Variants in FHOD3 observed in about 807,000 individuals in gnomAD.
FHOD3 encodes the protein formin homology 2 domain containing 3.
FHOD3 carries 90 observed loss-of-function variants against 173.0 expected under a neutral mutation model. That is an observed-to-expected ratio of 0.52 (90% CI 0.44 to 0.62). The LOEUF (loss-of-function observed/expected upper bound fraction) is 0.62, where lower values mean the gene tolerates loss of function less well. Ranked by LOEUF, FHOD3 falls within the 20% of genes least tolerant of loss-of-function variation. The pLI, the probability that FHOD3 is intolerant of heterozygous loss-of-function variation, is 0.00. For synonymous variants in FHOD3, 828 were observed against 823.0 expected (o/e 1.01, Z -0.10); for missense variants, 1,945 against 2,034.7 (o/e 0.96, Z 0.85).
chr18:36,361,060 C>T (rs2046586515), intron 2 of FHOD3, among the ~76,000 whole-genome samples: 1 of 152,058 alleles, frequency 6.6e-6, no homozygotes, highest in Non-Finnish European at 1.5e-5. Context: ...GTAGACGTTC[C>T]CTGATTTTTT....
intron 3 of FHOD3, among the ~76,000 whole-genome samples, chr18:36,462,287 T>TTGTGTG (rs1351983386): frequency 6.7e-6 from 1 of 149,028 alleles, no homozygotes; most frequent in Admixed American, 6.7e-5. Context: ...TTCAGTTCTC[T>TTGTGTG]CGTGTGTGTG....
At chr18:36,720,747 TCTTCTCCTCCTGCTC>T (rs2040730870) in intron 19 of FHOD3, among the ~76,000 whole-genome samples, 1 of 99,958 alleles carries the variant, frequency 1.0e-5, no homozygotes, top group African/African-American at 4.0e-5. Context: ...TCCTCCTCCT[TCTTCTCCTCCTGCTC>T]CTTCTCCTCC....
At chr18:36,687,070 G>C (rs1165204890) in intron 15 of FHOD3, 58 bp from the exon 16 acceptor site, 1 of 1,266,118 alleles carries the variant, frequency 7.9e-7, no homozygotes, top group East Asian at 2.4e-5. Context: ...GTAATTTTCT[G>C]AGTATCTAAT....
chr18:36,711,984 A>C (rs2040192789), intron 18 of FHOD3, among the ~76,000 whole-genome samples: 1 of 152,210 alleles, frequency 6.6e-6, no homozygotes, highest in East Asian at 1.9e-4. Flanking sequence ...CCCTGGGAAG[A>C]TGCCAGTGAG....
chr18:36,671,703 G>A (rs1472383391), intron 14 of FHOD3, among the ~76,000 whole-genome samples: 1 of 152,216 alleles, frequency 6.6e-6, no homozygotes, highest in Non-Finnish European at 1.5e-5. Context: ...ATGTGTTTTT[G>A]TGGCATTGCT....
chr18:36,687,841 G>A (rs774627176), intron 16 of FHOD3, among the ~76,000 whole-genome samples: 20 of 152,020 alleles, frequency 1.3e-4, no homozygotes, highest in Non-Finnish European at 2.5e-4. Context: ...TTTATGGTAC[G>A]AATCTTTGTG....
chr18:36,664,568 A>C (rs2149256862), intron 14 of FHOD3, among the ~76,000 whole-genome samples: 1 of 152,232 alleles, frequency 6.6e-6, no homozygotes, highest in East Asian at 1.9e-4. Flanking sequence ...TGTGGGCCCT[A>C]GGGAACCTGG....
At chr18:36,303,275 CTTTT>C (rs201185049) in intron 1 of FHOD3, among the ~76,000 whole-genome samples, 1 of 151,626 alleles carries the variant, frequency 6.6e-6, no homozygotes, top group African/African-American at 2.4e-5. Context: ...TTAAGGTCAT[CTTTT>C]TTTTTCCTCC....
chr18:36,674,546 G>C (rs193239285), intron 14 of FHOD3, among the ~76,000 whole-genome samples: 1 of 152,176 alleles, frequency 6.6e-6, no homozygotes, highest in Admixed American at 6.5e-5. Context: ...TGTCAATTTT[G>C]ATGCATTTAT....
At chr18:36,676,626 A>G (rs757231329) in intron 14 of FHOD3, among the ~76,000 whole-genome samples, 2 of 152,178 alleles carry the variant, frequency 1.3e-5, no homozygotes, top group Non-Finnish European at 2.9e-5. Context: ...GATTATATTA[A>G]TTTCGACTTC....
intron 19 of FHOD3, among the ~76,000 whole-genome samples, chr18:36,730,149 T>C (rs2041281649): frequency 6.6e-6 from 1 of 152,176 alleles, no homozygotes; most frequent in South Asian, 2.1e-4. Flanking sequence ...GTGAGGGCTT[T>C]GAGACAGTAC....
At chr18:36,369,440 AACACACACAC>A (rs59109469) in intron 2 of FHOD3, among the ~76,000 whole-genome samples, 1,917 of 94,200 alleles carry the variant, frequency 0.02, 29 homozygotes, top group Middle Eastern at 0.04. Flanking sequence ...ATTTTATTTA[AACACACACAC>A]ACACACACAC....
intron 9 of FHOD3, among the ~76,000 whole-genome samples, chr18:36,614,811 A>G (rs1292042516): frequency 1.1e-5 from 1 of 92,378 alleles, no homozygotes; most frequent in Admixed American, 1.0e-4. Context: ...AGAAATATTT[A>G]TTCCGATCCT....
intron 3 of FHOD3, among the ~76,000 whole-genome samples, chr18:36,479,104 T>A (rs1453824717): frequency 1.3e-5 from 2 of 152,232 alleles, no homozygotes; most frequent in Non-Finnish European, 2.9e-5. Context: ...CATTGCTGTG[T>A]GTCTTTGTTT....
chr18:36,708,711 G>C (rs1305268220), intron 17 of FHOD3, among the ~76,000 whole-genome samples: 1 of 152,214 alleles, frequency 6.6e-6, no homozygotes, highest in African/African-American at 2.4e-5. Context: ...GACCAGTGGT[G>C]GTTCTCAGCT....
intron 14 of FHOD3, among the ~76,000 whole-genome samples, chr18:36,673,904 A>T (rs376888931): frequency 5.3e-5 from 8 of 152,118 alleles, no homozygotes; most frequent in African/African-American, 1.7e-4. Context: ...TGATATATAT[A>T]TTTTGGTTCT....
intron 1 of FHOD3, among the ~76,000 whole-genome samples, chr18:36,335,367 C>A (rs935427920): frequency 6.6e-6 from 1 of 151,394 alleles, no homozygotes; most frequent in African/African-American, 2.4e-5. Context: ...TGGTAGCGGG[C>A]GCCTGTAGTC....
At chr18:36,626,130 C>T (rs555767875) in intron 10 of FHOD3, among the ~76,000 whole-genome samples, 148 of 152,190 alleles carry the variant, frequency 9.7e-4, no homozygotes, top group Non-Finnish European at 1.9e-3. Context: ...AAGAGTCTCG[C>T]GATACTCCTG....
At chr18:36,715,636 A>G (rs1410205631) in intron 18 of FHOD3, among the ~76,000 whole-genome samples, 1 of 152,230 alleles carries the variant, frequency 6.6e-6, no homozygotes. Flanking sequence ...ACATCCATGA[A>G]AAAGGCAATT....
Sources: gnomAD v4.1 joint callset for allele counts (sites outside exome capture counted in the v4.1 genomes callset) on GRCh38, gnomAD v4.1.1 for gene constraint, MANE v1.5 for transcripts, NCBI Gene and HGNC (gene_info 2026-07-23, HGNC 2026-07-21) for gene names.